Variants in DNAH6 observed in about 807,000 individuals in gnomAD.
The protein encoded by DNAH6 is dynein axonemal heavy chain 6.
A neutral mutation model predicts 491.4 loss-of-function variants in DNAH6; 340 were observed. That is an observed-to-expected ratio of 0.69 (90% CI 0.63 to 0.76). The LOEUF (loss-of-function observed/expected upper bound fraction) is 0.76, where lower values mean the gene tolerates loss of function less well. Among genes scored for constraint, DNAH6 ranks in the 30% least tolerant of loss-of-function variants. The pLI is 0.00. For missense variants in DNAH6, 4,443 were observed against 4,972.2 expected, an observed-to-expected ratio of 0.89 and a Z score of 3.20; for synonymous variants, 1,603 against 1,686.1, an observed-to-expected ratio of 0.95 and a Z score of 1.21.
At chr2:84,521,358 A>T (rs1676124172) in intron 2 of DNAH6, among the ~76,000 whole-genome samples, 1 of 151,488 alleles carries the variant, frequency 6.6e-6, no homozygotes, top group African/African-American at 2.4e-5. Flanking sequence ...TGTTTCTTGT[A>T]GATTCTGGAT....
chr2:84,777,917 T>C lies in DNAH6; in HGVS notation c.10704-3576T>C. ...GAATTTAAAGATGTTCACGTTAGGC[T>C]GGACCAAATTAAGACGGCTTTCTCC... is the stretch of plus-strand genomic sequence containing the variant. On this transcript the variant is annotated intron_variant, in intron 64 of 76. Coordinates refer to ENST00000389394, the MANE Select transcript of DNAH6 (RefSeq NM_001370.2). 5 of 1,132,728 alleles carry C rather than the reference T, an allele frequency of 4.4e-6. No homozygotes were observed. The East Asian group carries it at 7.0e-5, about 16-fold the overall frequency. 70.2% of individuals were successfully genotyped at this position (1,132,728 alleles called of 1,614,324 possible).
intron 33 of DNAH6, among the ~76,000 whole-genome samples, chr2:84,648,122 G>C (rs1358735967): frequency 1.3e-5 from 2 of 152,206 alleles, no homozygotes; most frequent in African/African-American, 4.8e-5. Context: ...AAAATTAAAT[G>C]AGCACTGGCA....
chr2:84,629,364 TC>T (rs1553448850), intron 29 of DNAH6, among the ~76,000 whole-genome samples: 2 of 152,176 alleles, frequency 1.3e-5, no homozygotes, highest in Non-Finnish European at 2.9e-5. Flanking sequence ...TAATTTATAC[TC>T]CCCCTGCAAA....
chr2:84,480,299 C>T, the DNAH6 span, among the ~76,000 whole-genome samples: 6 of 152,070 alleles, frequency 3.9e-5, no homozygotes, highest in South Asian at 1.2e-3. Flanking sequence ...TGGTTAGGAC[C>T]CAGACTCTGT....
intron 61 of DNAH6, among the ~76,000 whole-genome samples, chr2:84,732,974 C>T (rs1573637995): frequency 6.6e-6 from 1 of 152,190 alleles, no homozygotes; most frequent in African/African-American, 2.4e-5. Context: ...CTAAGAGTAT[C>T]TAAAATAATT....
intron 70 of DNAH6, 76 bp downstream of exon 70, chr2:84,797,734 C>G: frequency 8.7e-7 from 1 of 1,149,124 alleles, no homozygotes; most frequent in South Asian, 1.4e-5. Context: ...CACCCCCACT[C>G]ACTCTGGAAA....
the DNAH6 span, among the ~76,000 whole-genome samples, chr2:84,493,568 A>G: frequency 1.3e-5 from 2 of 152,218 alleles, no homozygotes; most frequent in African/African-American, 4.8e-5. Context: ...AAAACTCAAC[A>G]AATGCTGAAA....
chr2:84,653,928 C>A (rs375996348), intron 34 of DNAH6, 54 bp downstream of exon 34: 2 of 1,423,808 alleles, frequency 1.4e-6, no homozygotes, highest in Non-Finnish European at 1.9e-6. Flanking sequence ...GGCATACTAT[C>A]GTTACATTTT....
rs1053113754 is a variant in DNAH6, at chr2:84,814,211, C to T, written c.12150+89C>T. ...CAACCTTCCATGCCCCACTCCCCCA[C>T]CACCTCCCATTGGCAGGAGCAGGAA... is the stretch of plus-strand genomic sequence containing the variant. On this transcript the variant is annotated intron_variant, in intron 75 of 76. Coordinates refer to ENST00000389394, the MANE Select transcript of DNAH6 (RefSeq NM_001370.2). 3 of 1,356,920 alleles carry T rather than the reference C, an allele frequency of 2.2e-6. No homozygotes were observed. The African/African-American group carries it at 4.4e-5, about 20-fold the overall frequency. The allele number at this position is 1,356,920 out of a possible 1,614,324, so 84.1% of individuals were successfully genotyped here.
At chr2:84,616,844 T>A in intron 22 of DNAH6, 42 bp from the exon 23 acceptor site, 1 of 1,127,094 alleles carries the variant, frequency 8.9e-7, no homozygotes, top group Non-Finnish European at 1.2e-6. Flanking sequence ...AAAATTTGAT[T>A]TTAACACAGT....
chr2:84,782,489 G>A (rs948849812), intron 65 of DNAH6, among the ~76,000 whole-genome samples: 4 of 152,182 alleles, frequency 2.6e-5, no homozygotes, highest in Non-Finnish European at 2.9e-5. Context: ...AAGGTGAAGA[G>A]CTGCTCCTTT....
the DNAH6 span, among the ~76,000 whole-genome samples, chr2:84,464,048 G>A: frequency 6.6e-6 from 1 of 152,102 alleles, no homozygotes; most frequent in South Asian, 2.1e-4. Context: ...TAAATTCCTG[G>A]AGTGATGCTA....
At chr2:84,530,702 G>T (rs1403266644) in intron 4 of DNAH6, among the ~76,000 whole-genome samples, 1 of 152,150 alleles carries the variant, frequency 6.6e-6, no homozygotes, top group Non-Finnish European at 1.5e-5. Context: ...GAAAGGGACT[G>T]GGGATGATGA....
the DNAH6 span, among the ~76,000 whole-genome samples, chr2:84,495,782 G>A: frequency 6.6e-6 from 1 of 152,134 alleles, no homozygotes; most frequent in Non-Finnish European, 1.5e-5. Context: ...AGAAAGTTAA[G>A]CAGCCCGTGA....
At chr2:84,760,707 T>C in intron 63 of DNAH6, among the ~76,000 whole-genome samples, 1 of 152,152 alleles carries the variant, frequency 6.6e-6, no homozygotes, top group East Asian at 1.9e-4. Flanking sequence ...CCACTCTTTG[T>C]GGGAATGTAA....
intron 36 of DNAH6, 71 bp downstream of exon 36, chr2:84,658,545 T>C: frequency 9.3e-7 from 1 of 1,080,626 alleles, no homozygotes; most frequent in Non-Finnish European, 1.3e-6. Context: ...TGCAAAGAAA[T>C]GACTCCATTC....
intron 60 of DNAH6, among the ~76,000 whole-genome samples, chr2:84,724,221 C>T (rs1309823776): frequency 6.6e-6 from 1 of 152,208 alleles, no homozygotes; most frequent in Non-Finnish European, 1.5e-5. Context: ...GAATTGTAAA[C>T]ATAACACTTT....
chr2:84,649,074 T>A (rs1690166592), intron 33 of DNAH6, among the ~76,000 whole-genome samples: 1 of 152,244 alleles, frequency 6.6e-6, no homozygotes, highest in African/African-American at 2.4e-5. Context: ...ATGGCTCAGA[T>A]GGTCATTAGC....
At chr2:84,468,721 GC>G in the DNAH6 span, among the ~76,000 whole-genome samples, 16 of 152,192 alleles carry the variant, frequency 1.1e-4, no homozygotes, top group Admixed American at 1.0e-3. Flanking sequence ...ACAGCATGGG[GC>G]AGTCTCCATT....
Sources: allele counts gnomAD v4.1 joint callset (sites outside exome capture counted in the v4.1 genomes callset), GRCh38; gene constraint gnomAD v4.1.1; transcripts MANE v1.5; gene names NCBI Gene and HGNC (gene_info 2026-07-23, HGNC 2026-07-21).